Variants in ABCA9 observed in about 807,000 individuals in gnomAD.
ABCA9 encodes the protein ATP-binding cassette sub-family A member 9.
In ABCA9, 183 loss-of-function variants were observed where a neutral mutation model predicts 205.3. That is an observed-to-expected ratio of 0.89 (90% confidence interval 0.79 to 1.01). The LOEUF (loss-of-function observed/expected upper bound fraction) is 1.01, where lower values mean the gene tolerates loss of function less well. Among genes scored for constraint, ABCA9 ranks in the 50% least tolerant of loss-of-function variants. ABCA9 has a pLI of 0.00. For missense variants in ABCA9, 1,805 were observed against 1,912.4 expected, an observed-to-expected ratio of 0.94 and a Z score of 1.05; for synonymous variants, 651 against 683.3, an observed-to-expected ratio of 0.95 and a Z score of 0.74.
intron 25 of ABCA9, among the ~76,000 whole-genome samples, chr17:69,006,945 G>C (rs765646122): frequency 1.3e-5 from 2 of 152,168 alleles, no homozygotes; most frequent in Non-Finnish European, 2.9e-5. Flanking sequence ...GAAAGCATAG[G>C]CAATGGATAG....
intron 31 of ABCA9, among the ~76,000 whole-genome samples, chr17:68,987,744 TTG>T (rs1555626258): frequency 3.1e-4 from 27 of 88,196 alleles, no homozygotes; most frequent in African/African-American, 8.7e-4. Context: ...GCGTTTTTTT[TTG>T]TTTGTTTGTT....
chr17:69,070,522 C>T, the ABCA9 span, among the ~76,000 whole-genome samples: 6 of 152,114 alleles, frequency 3.9e-5, no homozygotes, highest in East Asian at 1.9e-4. Flanking sequence ...CCAAGGGAAG[C>T]GTGAGGGACT....
intron 22 of ABCA9, among the ~76,000 whole-genome samples, chr17:69,013,526 TGGAAGACCTCTG>T (rs1342076462): frequency 2.6e-5 from 4 of 152,084 alleles, no homozygotes; most frequent in African/African-American, 9.7e-5. Context: ...TTTCCTGATT[TGGAAGACCTCTG>T]GGGGAGGAAA....
chr17:69,057,289 A>G (rs1205587089), intron 1 of ABCA9, among the ~76,000 whole-genome samples: 1 of 152,212 alleles, frequency 6.6e-6, no homozygotes, highest in Non-Finnish European at 1.5e-5. Flanking sequence ...ATTGAAATCA[A>G]TATAGGGATA....
chr17:68,992,404 G>A, intron 27 of ABCA9, 138 bp from the exon 28 acceptor site: 1 of 546,106 alleles, frequency 1.8e-6, no homozygotes, highest in Non-Finnish European at 3.2e-6. Flanking sequence ...AAGACAACCT[G>A]TAATATTCTT....
At position 69,045,349 on chromosome 17, in the gene ABCA9, G is replaced by GA. The variant is rs753170636; in HGVS notation, c.305-14dup. 7 of 1,596,400 alleles carry GA rather than the reference G, an allele frequency of 4.4e-6. No homozygotes were observed. Among genetic ancestry groups the GA allele is most frequent in the Non-Finnish European group, 6.0e-6 (7 of 1,170,832 alleles). On this transcript the variant is annotated splice_polypyrimidine_tract_variant and intron_variant, in intron 3 of 38. Transcript: ENST00000340001. ...ATGATTGTTCTTCCTGCCATGTGAA[G>GA]AAAACAAAAGAAATAGTTAAGCAAG...
intron 37 of ABCA9, among the ~76,000 whole-genome samples, chr17:68,976,947 T>C (rs2068906181): frequency 6.6e-6 from 1 of 152,186 alleles, no homozygotes; most frequent in South Asian, 2.1e-4. Context: ...AAGGCAAATA[T>C]TTCTTTTGGA....
chr17:69,005,188 G>A (rs1280620864), intron 25 of ABCA9, among the ~76,000 whole-genome samples: 1 of 152,154 alleles, frequency 6.6e-6, no homozygotes, highest in Non-Finnish European at 1.5e-5. Flanking sequence ...TTGATGTAGG[G>A]CCTTGCTTTC....
intron 25 of ABCA9, among the ~76,000 whole-genome samples, chr17:69,000,027 C>T (rs1598350928): frequency 6.6e-6 from 1 of 152,028 alleles, no homozygotes; most frequent in Admixed American, 6.6e-5. Flanking sequence ...TGGATATTAG[C>T]CCTTTGTCAG....
At position 69,014,173 on chromosome 17, in the gene ABCA9, AAAATCTG is replaced by A. The variant is rs1372968057; in HGVS notation, c.3039+2073_3039+2079del. Among the ~76,000 whole-genome samples, 6 of 152,258 alleles carry A rather than the reference AAAATCTG, an allele frequency of 3.9e-5. No individual in the cohort carries two copies. The East Asian group carries it at 5.8e-4, about 15-fold the overall frequency. On this transcript the variant is annotated intron_variant, in intron 22 of 38. Coordinates refer to ENST00000340001, the MANE Select transcript of ABCA9 (RefSeq NM_080283.4). Reference sequence around the variant, plus strand: ...ACACAAGTTGAGAATCCCTAATCTGAAAATCTGAAATCTGAAATGCTCCAAAATTCAA... The same window carrying A: ...ACACAAGTTGAGAATCCCTAATCTGAAAATCTGAAATGCTCCAAAATTCAA...
At position 69,035,503 on chromosome 17, in the gene ABCA9, T is replaced by C. The variant is rs2071302903; in HGVS notation, c.943-72A>G. ...AGTAGCACAAAAAAGGAATTTTATA[T>C]TATAAAAGTATATTTTATATTTTTC... is the stretch of plus-strand genomic sequence containing the variant. On this transcript the variant is annotated intron_variant, in intron 7 of 38. Coordinates refer to ENST00000340001, the MANE Select transcript of ABCA9 (RefSeq NM_080283.4). 5.1e-6 allele frequency: 7 copies of C among 1,373,248 alleles called. No individual in the cohort carries two copies. The East Asian group carries it at 1.5e-4, about 30-fold the overall frequency. 85.1% of individuals were successfully genotyped at this position (1,373,248 alleles called of 1,614,324 possible).
chr17:69,025,841 G>GTATC (rs1345672192), intron 16 of ABCA9, among the ~76,000 whole-genome samples: 1 of 152,106 alleles, frequency 6.6e-6, no homozygotes, highest in East Asian at 1.9e-4. Flanking sequence ...AATAACAATA[G>GTATC]TATCTTCTTA....
chr17:69,020,647 C>A, intron 18 of ABCA9, 61 bp from the exon 19 acceptor site: 2 of 1,504,102 alleles, frequency 1.3e-6, no homozygotes, highest in Non-Finnish European at 1.8e-6. Flanking sequence ...TTTAGCTTTT[C>A]CTATGATAAA....
chr17:69,042,653 G>A (rs959805530), intron 6 of ABCA9: 4 of 152,206 alleles, frequency 2.6e-5, no homozygotes, highest in African/African-American at 9.7e-5. Flanking sequence ...ATGGTAACTA[G>A]TGACCAAGTA....
upstream of ABCA9, among the ~76,000 whole-genome samples, chr17:69,063,642 T>C (rs1476459059): frequency 2.6e-5 from 4 of 152,164 alleles, no homozygotes; most frequent in African/African-American, 9.7e-5. Context: ...ACGTGATCTC[T>C]GCTCACTGCA....
At chr17:69,015,268 G>C (rs1356085548) in intron 22 of ABCA9, among the ~76,000 whole-genome samples, 1 of 152,114 alleles carries the variant, frequency 6.6e-6, no homozygotes, top group African/African-American at 2.4e-5. Flanking sequence ...AAATTGAATA[G>C]AAAATTGAAG....
chr17:69,054,490 C>T (rs995451923), intron 1 of ABCA9, among the ~76,000 whole-genome samples: 9 of 148,054 alleles, frequency 6.1e-5, no homozygotes, highest in African/African-American at 1.0e-4. Flanking sequence ...ATGGTGACCC[C>T]GCACTCCAGC....
At position 69,008,094 on chromosome 17, in the gene ABCA9, T is replaced by A. The variant is rs1207012934; in HGVS notation, c.3289A>T (p.Ile1097Phe). Residue 1097 changes from isoleucine (I) to phenylalanine (F), a missense_variant, in exon 24 of 39, where the codon ATT (isoleucine) becomes TTT (phenylalanine). By Grantham distance (21) the Ile-to-Phe change is conservative. Coordinates refer to ENST00000340001, the MANE Select transcript of ABCA9 (RefSeq NM_080283.4). Reference sequence around the variant, plus strand: ...AACAGGTTTTGAATTATAAATATAATCTCCTCTGGGCTAAAAATATAATCC... The same window carrying A: ...AACAGGTTTTGAATTATAAATATAAACTCCTCTGGGCTAAAAATATAATCC... ...IMDYIFSPEE[I>F]IFIIQNLLIQ... The A allele has an allele frequency of 4.3e-6, 7 of 1,610,798 alleles. No individual in the cohort carries two copies. The East Asian group carries it at 1.1e-4, about 26-fold the overall frequency.
intron 11 of ABCA9, 43 bp downstream of exon 11, chr17:69,029,125 CA>C (rs2071082456): frequency 8.3e-7 from 1 of 1,205,638 alleles, no homozygotes; most frequent in Non-Finnish European, 1.2e-6. Flanking sequence ...GTAAGGCAGC[CA>C]CTAAATCAAG....
Sources: gnomAD v4.1 joint callset for allele counts (sites outside exome capture counted in the v4.1 genomes callset) on GRCh38, gnomAD v4.1.1 for gene constraint, MANE v1.5 for transcripts, NCBI Gene and HGNC (gene_info 2026-07-23, HGNC 2026-07-21) for gene names.